IDO1: variants seen among roughly 807,000 people sequenced by gnomAD.
IDO1 encodes indolamine 2,3 dioxygenase.
Under a neutral mutation model 38.8 loss-of-function variants are expected in IDO1, and 35 were observed. That is an observed-to-expected ratio of 0.90 (90% CI 0.69 to 1.20). The LOEUF (loss-of-function observed/expected upper bound fraction) is 1.20, where lower values mean the gene tolerates loss of function less well. IDO1 is among the 50% of genes most tolerant of loss of function. IDO1 has a pLI of 0.00. For missense variants in IDO1, 509 were observed against 485.1 expected, an observed-to-expected ratio of 1.05 and a Z score of -0.46; for synonymous variants, 171 against 170.0, an observed-to-expected ratio of 1.01 and a Z score of -0.05.
chr8:39,918,317 T>G, intron 3 of IDO1, 110 bp downstream of exon 3: 1 of 1,019,420 alleles, frequency 9.8e-7, no homozygotes, highest in Non-Finnish European at 1.4e-6. Context: ...ATGCAAAGTT[T>G]AGATAACACG....
At chr8:39,924,918 G>A in intron 8 of IDO1, 146 bp downstream of exon 8, 1 of 716,140 alleles carries the variant, frequency 1.4e-6, no homozygotes, top group Non-Finnish European at 2.5e-6. Context: ...AGACTGTTCT[G>A]TTATCACTTG....
intron 7 of IDO1, among the ~76,000 whole-genome samples, chr8:39,924,323 T>C (rs1238584981): frequency 6.6e-6 from 1 of 152,140 alleles, no homozygotes; most frequent in East Asian, 1.9e-4. Context: ...CTATGATCAA[T>C]ACATTCCAGC....
chr8:39,926,674 T>A (rs1807364974), intron 9 of IDO1, among the ~76,000 whole-genome samples: 2 of 152,166 alleles, frequency 1.3e-5, no homozygotes, highest in Non-Finnish European at 2.9e-5. Context: ...ATTTTTAAAA[T>A]TTTTTTATCA....
intron 1 of IDO1, among the ~76,000 whole-genome samples, chr8:39,915,388 TA>T (rs2129592048): frequency 6.6e-6 from 1 of 152,328 alleles, no homozygotes; most frequent in African/African-American, 2.4e-5. Context: ...GTCCACATAC[TA>T]GAGAGCACCT....
At chr8:39,920,346 C>G (rs144425426) in intron 5 of IDO1, among the ~76,000 whole-genome samples, 103 of 152,298 alleles carry the variant, frequency 6.8e-4, no homozygotes, top group African/African-American at 2.2e-3. Context: ...GAATACTACT[C>G]AAATACATCT....
At position 39,928,244 on chromosome 8, in the gene IDO1, T is replaced by A. The variant is rs932055579; in HGVS notation, c.*59T>A. The A allele has an allele frequency of 8.2e-7, 1 of 1,220,496 alleles. No individual in the cohort carries two copies. The highest frequency in any genetic ancestry group is 1.5e-5 in the African/African-American group (1 of 65,876). The allele number at this position is 1,220,496 out of a possible 1,614,324, so 75.6% of individuals were successfully genotyped here. A position where few individuals can be genotyped will look rare whatever the true frequency, so the allele number is the denominator to read the frequency against. ...GAGACATCTGTATGCATTCCTGTCA[T>A]TACCCATTGTAACAGAGCCACAAAC... On this transcript the variant is annotated 3_prime_UTR_variant, in exon 10 of 10. Coordinates refer to ENST00000518237, the MANE Select transcript of IDO1 (RefSeq NM_002164.6).
At chr8:39,924,421 T>C (rs1359715160) in intron 7 of IDO1, among the ~76,000 whole-genome samples, 1 of 152,174 alleles carries the variant, frequency 6.6e-6, no homozygotes, top group African/African-American at 2.4e-5. Flanking sequence ...GGTTTTGTTT[T>C]GGTTTGTTTT....
chr8:39,916,628 A>G (rs944404087), intron 1 of IDO1, among the ~76,000 whole-genome samples: 5 of 152,252 alleles, frequency 3.3e-5, no homozygotes, highest in African/African-American at 9.6e-5. Flanking sequence ...TGTCTGTTTT[A>G]TCTCTCATAA....
intron 5 of IDO1, among the ~76,000 whole-genome samples, chr8:39,921,797 A>G (rs1586211565): frequency 6.6e-6 from 1 of 152,356 alleles, no homozygotes; most frequent in East Asian, 1.9e-4. Context: ...TTCGCAGTCA[A>G]TTCCTTTGTA....
At position 39,920,106 on chromosome 8, in the gene IDO1, G is replaced by T; in HGVS notation, c.429G>T (p.Leu143=). 1 of 1,610,264 alleles carries T rather than the reference G, an allele frequency of 6.2e-7. No homozygotes were observed. The highest frequency in any genetic ancestry group is 1.1e-5 in the South Asian group (1 of 90,358). The change falls in exon 5 of 10, where the codon CTG becomes CTT. Residue 143 remains leucine (L), a synonymous_variant. Transcript: ENST00000518237. The part of the protein sequence containing the change: ...NWKKKDPNKP[L]TYENMDVLFS... ...TCATGGCTGCTTTCATAAGGCCCCT[G>T]ACTTATGAGTAAGTATCTGATTCTT...
chr8:39,915,678 T>A (rs781594595), intron 1 of IDO1: 2 of 152,218 alleles, frequency 1.3e-5, no homozygotes, highest in Non-Finnish European at 2.9e-5. Context: ...AAGGATGTAC[T>A]TATCAATGGT....
chr8:39,926,080 G>A (rs1314460906), intron 9 of IDO1, among the ~76,000 whole-genome samples: 2 of 152,056 alleles, frequency 1.3e-5, no homozygotes, highest in South Asian at 2.1e-4. Flanking sequence ...CCAGCTACTC[G>A]GGAGACTGAG....
chr8:39,917,894 A>G lies in IDO1; in HGVS notation c.107A>G (p.Tyr36Cys). The change falls in exon 2 of 10, where the codon TAT (tyrosine) becomes TGT (cysteine). Residue 36 changes from tyrosine (Y) to cysteine (C), a missense_variant. Physicochemically the swap from Tyr to Cys is radical, Grantham distance 194. Transcript: ENST00000518237. ...PNPQENLPDFYNDWMFIAKHL... is the reference protein window; with the variant it reads ...PNPQENLPDFCNDWMFIAKHL... ...TTCAAGGAAAATCTACCTGATTTTT[A>G]TAATGACTGGATGTTCATTGCTAAA... 1.2e-6 allele frequency: 2 copies of G among 1,607,468 alleles called. No individual in the cohort carries two copies. The highest frequency in any genetic ancestry group is 2.2e-5 in the East Asian group (1 of 44,840).
intron 8 of IDO1, 25 bp from the exon 9 acceptor site, chr8:39,925,198 T>G (rs1280209526): frequency 6.4e-7 from 1 of 1,555,948 alleles, no homozygotes; most frequent in Admixed American, 2.1e-5. Flanking sequence ...ATGATTTTTC[T>G]TTTTTTCTTT....
At chr8:39,923,112 G>A (rs572282051) in intron 6 of IDO1, among the ~76,000 whole-genome samples, 7 of 152,206 alleles carry the variant, frequency 4.6e-5, no homozygotes, top group African/African-American at 1.2e-4. Flanking sequence ...GGATTAAGAC[G>A]GGGGAATTTG....
chr8:39,918,967 G>A (rs776344857), intron 4 of IDO1, 34 bp downstream of exon 4: 4 of 1,255,604 alleles, frequency 3.2e-6, no homozygotes, highest in African/African-American at 1.5e-5. Flanking sequence ...GGAATTTTTG[G>A]AGTGTGTGCC....
intron 1 of IDO1, among the ~76,000 whole-genome samples, chr8:39,917,380 C>T (rs1278498895): frequency 2.0e-5 from 3 of 152,166 alleles, no homozygotes; most frequent in Non-Finnish European, 4.4e-5. Context: ...CCTGTAATCC[C>T]AGCTACTTGG....
In IDO1 at chr8:39,913,943, C is replaced by G. The variant is rs758170169; in HGVS notation, c.21C>G (p.Asn7Lys). 8.9e-6 allele frequency: 14 copies of G among 1,573,094 alleles called. No individual in the cohort carries two copies. In the South Asian group the frequency reaches 1.6e-4, roughly 18 times the overall value. MAHAME[N>K]SWTISKEYHI... Reference sequence around the variant, plus strand: ...CAAGAATGGCACACGCTATGGAAAACTCCTGGACAATCAGTAAAGAGTACC... The same window carrying G: ...CAAGAATGGCACACGCTATGGAAAAGTCCTGGACAATCAGTAAAGAGTACC... Residue 7 changes from asparagine to lysine, a missense_variant, in exon 1 of 10, where the codon AAC (asparagine) becomes AAG (lysine). Transcript: ENST00000518237.
intron 1 of IDO1, among the ~76,000 whole-genome samples, chr8:39,916,059 A>G (rs1807170446): frequency 6.6e-6 from 1 of 152,052 alleles, no homozygotes; most frequent in South Asian, 2.1e-4. Context: ...CTCGCTACTC[A>G]GGAGGCTGAG....
Sources: allele counts gnomAD v4.1 joint callset (sites outside exome capture counted in the v4.1 genomes callset), GRCh38; gene constraint gnomAD v4.1.1; transcripts MANE v1.5; gene names NCBI Gene and HGNC (gene_info 2026-07-23, HGNC 2026-07-21).